RYR2: variants seen among roughly 807,000 people sequenced by gnomAD.
RYR2 encodes the protein ryanodine receptor 2.
A neutral mutation model predicts 601.1 loss-of-function variants in RYR2; 227 were observed. The observed-to-expected ratio is 0.38, with a 90% CI of 0.34 to 0.42. The LOEUF (loss-of-function observed/expected upper bound fraction) is 0.42. Ranked by LOEUF, RYR2 falls within the 10% of genes least tolerant of loss-of-function variation. RYR2 has a pLI of 1.00. For missense variants in RYR2, 4,646 were observed against 6,156.5 expected, an observed-to-expected ratio of 0.75 and a Z score of 8.21; for synonymous variants, 2,223 against 2,175.1, an observed-to-expected ratio of 1.02 and a Z score of -0.61.
At chr1:237,111,277 G>A (rs142486146) in intron 1 of RYR2, among the ~76,000 whole-genome samples, 43 of 152,296 alleles carry the variant, frequency 2.8e-4, no homozygotes, top group African/African-American at 9.9e-4. Context: ...GTAGAAGAGG[G>A]TGGAGAAGAG....
At chr1:237,432,867 C>G (rs1279841588) in intron 12 of RYR2, among the ~76,000 whole-genome samples, 1 of 149,196 alleles carries the variant, frequency 6.7e-6, no homozygotes, top group Non-Finnish European at 1.5e-5. Flanking sequence ...GCACAATACT[C>G]TTTTTGTTGT....
intron 1 of RYR2, among the ~76,000 whole-genome samples, chr1:237,052,066 T>C (rs938542248): frequency 6.6e-6 from 1 of 152,330 alleles, no homozygotes; most frequent in Non-Finnish European, 1.5e-5. Flanking sequence ...ACATAATAAA[T>C]ACAGAGTAGG....
intron 14 of RYR2, among the ~76,000 whole-genome samples, chr1:237,452,634 G>A (rs1046298260): frequency 4.7e-5 from 7 of 149,458 alleles, no homozygotes; most frequent in African/African-American, 1.7e-4. Context: ...AGATGAGAGA[G>A]GGGAGGAACC....
intron 29 of RYR2, among the ~76,000 whole-genome samples, chr1:237,577,201 T>C (rs2805404): frequency 0.9 from 137,658 of 152,188 alleles, 63,808 homozygotes; most frequent in East Asian, 1. Context: ...AGGATACAAC[T>C]GAAAGCACAC....
At chr1:237,068,311 G>A (rs541434354) in intron 1 of RYR2, among the ~76,000 whole-genome samples, 1 of 152,048 alleles carries the variant, frequency 6.6e-6, no homozygotes, top group African/African-American at 2.4e-5. Flanking sequence ...ATATAAATGG[G>A]ATACCTATAA....
intron 17 of RYR2, 25 bp from the exon 18 acceptor site, chr1:237,491,781 T>C (rs1293853978): frequency 1.7e-5 from 19 of 1,102,524 alleles, no homozygotes; most frequent in Non-Finnish European, 2.3e-5. Flanking sequence ...GTGTTTTTTT[T>C]CCTCTTTCTT....
intron 48 of RYR2, 110 bp downstream of exon 48, chr1:237,643,557 T>C (rs1681798782): frequency 8.9e-7 from 1 of 1,127,458 alleles, no homozygotes; most frequent in African/African-American, 1.6e-5. Context: ...CTAAATTATG[T>C]GTATACTACT....
At chr1:237,710,776 G>A (rs886369712) in intron 70 of RYR2, among the ~76,000 whole-genome samples, 2 of 151,842 alleles carry the variant, frequency 1.3e-5, no homozygotes, top group African/African-American at 4.8e-5. Flanking sequence ...AGGCTGCAGT[G>A]CCCTATCATT....
chr1:237,314,514 C>G (rs1262958826), intron 2 of RYR2, among the ~76,000 whole-genome samples: 2 of 152,192 alleles, frequency 1.3e-5, no homozygotes, highest in African/African-American at 2.4e-5. Context: ...CTTCCAGGTG[C>G]TCAGGTTGCT....
chr1:237,467,962 G>A (rs1249526500), intron 16 of RYR2, among the ~76,000 whole-genome samples: 3 of 151,038 alleles, frequency 2.0e-5, no homozygotes, highest in Non-Finnish European at 4.4e-5. Context: ...GGGTTCAAGC[G>A]ATTCTCTTAA....
At chr1:237,672,690 A>G (rs1328905891) in intron 58 of RYR2, among the ~76,000 whole-genome samples, 1 of 152,180 alleles carries the variant, frequency 6.6e-6, no homozygotes, top group Non-Finnish European at 1.5e-5. Context: ...GTCCTGTTTA[A>G]TTATATCTTT....
chr1:237,712,139 A>G (rs1688893236), intron 71 of RYR2, among the ~76,000 whole-genome samples: 1 of 152,084 alleles, frequency 6.6e-6, no homozygotes, highest in Non-Finnish European at 1.5e-5. Context: ...AGGGTCAGTC[A>G]GGAGGTAGAG....
chr1:237,051,361 T>A (rs1287768867), intron 1 of RYR2, among the ~76,000 whole-genome samples: 2 of 143,124 alleles, frequency 1.4e-5, no homozygotes, highest in African/African-American at 2.6e-5. Context: ...TCTCTCCTCT[T>A]CTCTCCTCGG....
intron 1 of RYR2, among the ~76,000 whole-genome samples, chr1:237,168,610 A>C (rs1042134045): frequency 3.3e-4 from 50 of 152,030 alleles, no homozygotes; most frequent in African/African-American, 1.2e-3. Context: ...TCTATCCAAT[A>C]ATGCTTGAAT....
At chr1:237,236,304 G>C (rs1242394541) in intron 1 of RYR2, among the ~76,000 whole-genome samples, 1 of 151,410 alleles carries the variant, frequency 6.6e-6, no homozygotes, top group African/African-American at 2.4e-5. Context: ...GCTTTTCTTG[G>C]TTTGAACTCT....
chr1:237,777,466 G>T (rs944673394), intron 87 of RYR2, among the ~76,000 whole-genome samples: 2 of 152,146 alleles, frequency 1.3e-5, no homozygotes, highest in African/African-American at 4.8e-5. Flanking sequence ...CAATTTAAAG[G>T]TATTATAAGT....
At chr1:237,047,368 T>A (rs1353909246) in intron 1 of RYR2, among the ~76,000 whole-genome samples, 1 of 149,962 alleles carries the variant, frequency 6.7e-6, no homozygotes, top group African/African-American at 2.4e-5. Flanking sequence ...GAAGCCAAGA[T>A]TGGAATCCAT....
In RYR2 at chr1:237,511,688, G is replaced by A. The variant is rs1169627115; in HGVS notation, c.2719G>A (p.Val907Ile). ...ATGTCAATTTCCTGTCCTGTTTCAG[G>A]TTAGAGATGACAACAAGAGACAACA... ...KIELGWQYGPVRDDNKRQHPC... is the reference protein window; with the variant it reads ...KIELGWQYGPIRDDNKRQHPC... The change falls in exon 24 of 105, where the codon GTT (valine) becomes ATT (isoleucine). Residue 907 changes from valine to isoleucine, a missense_variant and splice_region_variant. This residue lies in a region of RYR2 where 1,807 missense variants were observed against 2,088.1 expected (regional missense o/e 0.87). Coordinates refer to ENST00000366574, the MANE Select transcript of RYR2 (RefSeq NM_001035.3). 1.3e-6 allele frequency: 2 copies of A among 1,562,148 alleles called. No homozygotes were observed. Among genetic ancestry groups the A allele is most frequent in the Admixed American group, 3.8e-5 (2 of 52,492 alleles).
intron 73 of RYR2, among the ~76,000 whole-genome samples, chr1:237,721,886 A>T (rs949298534): frequency 3.9e-5 from 6 of 152,156 alleles, no homozygotes; most frequent in Non-Finnish European, 8.8e-5. Flanking sequence ...TTCTACCCCC[A>T]TTAAATTGCT....
Sources: allele counts gnomAD v4.1 joint callset (sites outside exome capture counted in the v4.1 genomes callset), GRCh38; gene constraint gnomAD v4.1.1; regional missense constraint gnomAD v4.1.1; transcripts MANE v1.5; gene names NCBI Gene and HGNC (gene_info 2026-07-23, HGNC 2026-07-21).